Variants in PFKFB3 observed in about 807,000 individuals in gnomAD.
The protein encoded by PFKFB3 is 6-phosphofructo-2-kinase/fructose-2,6-biphosphatase 3.
Under a neutral mutation model 68.0 loss-of-function variants are expected in PFKFB3, and 33 were observed. That is an observed-to-expected ratio of 0.49 (90% CI 0.37 to 0.65). The LOEUF is 0.65. Ranked by LOEUF, PFKFB3 falls within the 30% of genes least tolerant of loss-of-function variation. The pLI is 0.00. For synonymous variants in PFKFB3, 315 were observed against 288.2 expected (o/e 1.09, Z -0.94); for missense variants, 586 against 712.2 (o/e 0.82, Z 2.02).
the PFKFB3 span, among the ~76,000 whole-genome samples, chr10:6,289,140 C>T: frequency 1.4e-5 from 2 of 140,098 alleles, no homozygotes; most frequent in East Asian, 2.1e-4. Context: ...AAAATTTTCT[C>T]CCATTTTGTA....
At chr10:6,201,199 C>T (rs1304501130), upstream of PFKFB3, among the ~76,000 whole-genome samples, 9 of 151,818 alleles carry the variant, frequency 5.9e-5, 1 homozygote, top group East Asian at 1.2e-3. The surrounding 1 kb of genome is among the most constrained non-coding windows in gnomAD (Gnocchi z 4.1). Context: ...CGCGGGCGCT[C>T]GCTGCCTGCT....
chr10:6,308,558 T>G, the PFKFB3 span, among the ~76,000 whole-genome samples: 97 of 152,320 alleles, frequency 6.4e-4, no homozygotes, highest in East Asian at 0.015. Context: ...AGCTTGAATG[T>G]ACCTCATTAT....
chr10:6,259,170 TCATCC>T (rs1846515384), downstream of PFKFB3, among the ~76,000 whole-genome samples: 3 of 134,782 alleles, frequency 2.2e-5, no homozygotes, highest in Non-Finnish European at 3.2e-5. Flanking sequence ...ATTTATTCAT[TCATCC>T]CATCCATCTA....
At chr10:6,249,272 G>A (rs1846326973) in intron 14 of PFKFB3, among the ~76,000 whole-genome samples, 3 of 149,930 alleles carry the variant, frequency 2.0e-5, no homozygotes, top group South Asian at 4.3e-4. Context: ...ATGAAAAATT[G>A]TATAGAAGTT....
chr10:6,266,653 A>G, the PFKFB3 span, among the ~76,000 whole-genome samples: 2 of 152,240 alleles, frequency 1.3e-5, no homozygotes, highest in Non-Finnish European at 1.5e-5. Flanking sequence ...GGAAATATAC[A>G]TTCATATTGA....
chr10:6,248,652 A>AAAAAAAG (rs71390202), intron 14 of PFKFB3, among the ~76,000 whole-genome samples: 23 of 91,568 alleles, frequency 2.5e-4, no homozygotes, highest in South Asian at 4.2e-4. Context: ...AAAAAAAAAA[A>AAAAAAAG]GGCAGGGGAT....
intron 4 of PFKFB3, 111 bp downstream of exon 4, chr10:6,216,302 G>A: frequency 2.8e-6 from 3 of 1,084,460 alleles, no homozygotes; most frequent in Non-Finnish European, 4.3e-6. Context: ...GTGGAGGAAA[G>A]CAGGTGGCCA....
At chr10:6,187,132 G>A (rs533641212) in intron 1 of PFKFB3, among the ~76,000 whole-genome samples, 2 of 151,970 alleles carry the variant, frequency 1.3e-5, no homozygotes, top group East Asian at 3.9e-4. Context: ...AGGCCAAGGC[G>A]GGCAGATCAC....
intron 14 of PFKFB3, among the ~76,000 whole-genome samples, chr10:6,242,947 G>A (rs1846172328): frequency 6.6e-6 from 1 of 152,176 alleles, no homozygotes; most frequent in Non-Finnish European, 1.5e-5. Context: ...CAGCCCAAAG[G>A]GGCTTGTCTT....
intron 12 of PFKFB3, 26 bp from the exon 13 acceptor site, chr10:6,224,123 C>T (rs746060148): frequency 1.9e-6 from 3 of 1,613,940 alleles, no homozygotes; most frequent in Non-Finnish European, 2.5e-6. Context: ...CAGCAGCTTC[C>T]TCTGCCCCCA....
chr10:6,184,060 AT>A (rs1196572909), intron 1 of PFKFB3, among the ~76,000 whole-genome samples: 1 of 141,412 alleles, frequency 7.1e-6, no homozygotes, highest in South Asian at 2.3e-4. Flanking sequence ...ATTTTATTTT[AT>A]TTTATTTTTG....
chr10:6,161,045 C>T (rs773864819), intron 1 of PFKFB3, among the ~76,000 whole-genome samples: 1 of 152,198 alleles, frequency 6.6e-6, no homozygotes, highest in Non-Finnish European at 1.5e-5. Context: ...AAGCAATTCT[C>T]CTGCCTCAGA....
intron 14 of PFKFB3, among the ~76,000 whole-genome samples, chr10:6,232,493 GA>G (rs960160645): frequency 5.3e-5 from 8 of 152,128 alleles, no homozygotes; most frequent in African/African-American, 1.9e-4. Flanking sequence ...GAGTCGAGAG[GA>G]GGGGCCCTGT....
intron 1 of PFKFB3, among the ~76,000 whole-genome samples, chr10:6,209,009 C>G (rs1843981934): frequency 6.6e-6 from 1 of 152,254 alleles, no homozygotes; most frequent in African/African-American, 2.4e-5. Context: ...AAAGGCACTA[C>G]TCAGCCACAT....
chr10:6,320,899 A>T, the PFKFB3 span, among the ~76,000 whole-genome samples: 1 of 152,196 alleles, frequency 6.6e-6, no homozygotes, highest in South Asian at 2.1e-4. Context: ...TCAGAGTGGG[A>T]AATCACCTTG....
At chr10:6,306,461 G>T in the PFKFB3 span, among the ~76,000 whole-genome samples, 1 of 152,250 alleles carries the variant, frequency 6.6e-6, no homozygotes, top group Non-Finnish European at 1.5e-5. Flanking sequence ...CTCTGGGTTT[G>T]TGGGACAGGC....
the PFKFB3 span, among the ~76,000 whole-genome samples, chr10:6,319,684 T>TAAAAA: frequency 6.6e-6 from 1 of 150,562 alleles, no homozygotes; most frequent in Non-Finnish European, 1.5e-5. Flanking sequence ...TGTAAAATTG[T>TAAAAA]AAAAAAAAAA....
chr10:6,220,954 C>T lies in PFKFB3; in HGVS notation c.831+89C>T. 8.4e-7 allele frequency: 1 copy of T among 1,189,048 alleles called. No individual in the cohort carries two copies. Among genetic ancestry groups the T allele is most frequent in the Non-Finnish European group, 1.2e-6 (1 of 809,882 alleles). The allele number at this position is 1,189,048 out of a possible 1,614,324, so 73.7% of individuals were successfully genotyped here. Reference sequence around the variant, plus strand: ...GGTGGGGAGCTGTGTGCTGCTGCTGCTGCTGCTGCTGCTGCTTGGTGTGCT... The same window carrying T: ...GGTGGGGAGCTGTGTGCTGCTGCTGTTGCTGCTGCTGCTGCTTGGTGTGCT... On this transcript the variant is annotated intron_variant, in intron 8 of 14. Transcript: ENST00000379775. This position sits in a 1 kb window ranked among gnomAD's most constrained non-coding sequence, Gnocchi z 4.1.
At chr10:6,202,930 C>T (rs1843427473), upstream of PFKFB3, 1 of 1,213,958 alleles carries the variant, frequency 8.2e-7, no homozygotes, top group Non-Finnish European at 1.0e-6. Context: ...GCGGGGCATC[C>T]CAGCCAAGCC....
Sources: gnomAD v4.1 joint callset for allele counts (sites outside exome capture counted in the v4.1 genomes callset) on GRCh38, gnomAD v4.1.1 for gene constraint, Gnocchi (gnomAD v3.1) non-coding constraint, MANE v1.5 for transcripts, NCBI Gene and HGNC (gene_info 2026-07-23, HGNC 2026-07-21) for gene names.